Variants in RALGPS1 observed in about 807,000 individuals in gnomAD.
RALGPS1 encodes Ral GEF with PH domain and SH3 binding motif 1, also known as ras-specific guanine nucleotide-releasing factor RalGPS1.
A neutral mutation model predicts 78.8 loss-of-function variants in RALGPS1; 19 were observed. That is an observed-to-expected ratio of 0.24 (90% CI 0.17 to 0.35). The LOEUF (loss-of-function observed/expected upper bound fraction) is 0.35, where lower values mean the gene tolerates loss of function less well. Among genes scored for constraint, RALGPS1 ranks in the 10% least tolerant of loss-of-function variants. The pLI, the probability that RALGPS1 is intolerant of heterozygous loss-of-function variation, is 1.00. For missense variants in RALGPS1, 454 were observed against 688.3 expected, an observed-to-expected ratio of 0.66 and a Z score of 3.81; for synonymous variants, 228 against 256.3, an observed-to-expected ratio of 0.89 and a Z score of 1.06.
chr9:126,950,086 C>T (rs1011649912), intron 1 of RALGPS1, among the ~76,000 whole-genome samples: 13 of 152,114 alleles, frequency 8.5e-5, no homozygotes, highest in Non-Finnish European at 1.6e-4. Context: ...TTCCCCATTG[C>T]TTGTTTTTCT....
intron 1 of RALGPS1, among the ~76,000 whole-genome samples, chr9:126,947,055 C>T (rs895168467): frequency 2.0e-5 from 3 of 152,162 alleles, no homozygotes; most frequent in African/African-American, 7.2e-5. Flanking sequence ...CCAGAGAACC[C>T]TTTCCTGGTC....
intron 4 of RALGPS1, among the ~76,000 whole-genome samples, chr9:127,029,200 G>T (rs1040761709): frequency 1.3e-5 from 2 of 152,090 alleles, no homozygotes; most frequent in African/African-American, 4.8e-5. Flanking sequence ...TCTTTTATTT[G>T]CCCATCTCCT....
chr9:127,017,159 G>C (rs2044918021), intron 4 of RALGPS1, among the ~76,000 whole-genome samples: 1 of 152,190 alleles, frequency 6.6e-6, no homozygotes, highest in Non-Finnish European at 1.5e-5. Flanking sequence ...GATGCATCAT[G>C]AGAAATGCAT....
At chr9:127,018,781 G>A (rs1224758129) in intron 4 of RALGPS1, among the ~76,000 whole-genome samples, 1 of 151,932 alleles carries the variant, frequency 6.6e-6, no homozygotes, top group Non-Finnish European at 1.5e-5. Context: ...TATGTGACTG[G>A]TAGCACAGTA....
rs371255630 is a variant in RALGPS1 at position 126,980,264 on chromosome 9, G to T, written c.216+2519G>T. On this transcript the variant is annotated intron_variant, in intron 4 of 18. Coordinates refer to ENST00000259351, the MANE Select transcript of RALGPS1 (RefSeq NM_014636.3). ...GGGCATGAATAAAGTACAATTTTAAGTATGCAGAGGCCAGCATCTGAGAGC... is the reference window on the plus strand; with the variant it reads ...GGGCATGAATAAAGTACAATTTTAATTATGCAGAGGCCAGCATCTGAGAGC... 2.7e-3 allele frequency among the ~76,000 whole-genome samples: 418 copies of T among 152,300 alleles called. 3 individuals are homozygous for T. Among genetic ancestry groups the T allele is most frequent in the African/African-American group, 9.5e-3 (393 of 41,556 alleles).
intron 5 of RALGPS1, among the ~76,000 whole-genome samples, chr9:127,047,032 G>A (rs2047860566): frequency 6.7e-6 from 1 of 150,368 alleles, no homozygotes; most frequent in South Asian, 2.1e-4. Context: ...GCCTGTGTAT[G>A]GCAACATGGA....
At chr9:127,193,411 G>A (rs1318144068) in intron 11 of RALGPS1, among the ~76,000 whole-genome samples, 1 of 152,202 alleles carries the variant, frequency 6.6e-6, no homozygotes, top group African/African-American at 2.4e-5. Flanking sequence ...AAAGGGATTG[G>A]TGGGGGCGGA....
At chr9:127,028,984 G>T (rs1488498453) in intron 4 of RALGPS1, among the ~76,000 whole-genome samples, 1 of 151,956 alleles carries the variant, frequency 6.6e-6, no homozygotes, top group African/African-American at 2.4e-5. Flanking sequence ...ATCCCAGGTG[G>T]GTAGCTTTCA....
intron 7 of RALGPS1, 37 bp from the exon 8 acceptor site, chr9:127,069,193 G>T (rs766148795): frequency 1.3e-6 from 2 of 1,561,550 alleles, no homozygotes; most frequent in Admixed American, 1.7e-5. Flanking sequence ...AGCTTCTTCT[G>T]GTTTACTTAT....
At chr9:126,992,370 C>T (rs2042354849) in intron 4 of RALGPS1, among the ~76,000 whole-genome samples, 1 of 152,118 alleles carries the variant, frequency 6.6e-6, no homozygotes, top group Non-Finnish European at 1.5e-5. Context: ...TACCCATCAC[C>T]CCAAAAATTT....
At chr9:127,111,405 TGCTCCATGTGCA>T (rs1320229805) in intron 8 of RALGPS1, among the ~76,000 whole-genome samples, 1 of 152,246 alleles carries the variant, frequency 6.6e-6, no homozygotes. Context: ...TGTTGGTCAC[TGCTCCATGTGCA>T]GTGCCTACCA....
intron 8 of RALGPS1, among the ~76,000 whole-genome samples, chr9:127,157,233 G>A (rs935013960): frequency 2.6e-5 from 4 of 152,090 alleles, no homozygotes; most frequent in African/African-American, 9.6e-5. Context: ...ATGTTAATTA[G>A]GCAATAATTG....
intron 4 of RALGPS1, among the ~76,000 whole-genome samples, chr9:126,992,557 T>C (rs1413003693): frequency 6.6e-6 from 1 of 152,240 alleles, no homozygotes; most frequent in Non-Finnish European, 1.5e-5. Flanking sequence ...CAAAGAAGTC[T>C]GCTGGGATTT....
In RALGPS1 at chr9:127,212,740, C is replaced by A. The variant is rs765070659; in HGVS notation, c.1446+21C>A. On this transcript the variant is annotated intron_variant, in intron 16 of 18. Coordinates refer to ENST00000259351, the MANE Select transcript of RALGPS1 (RefSeq NM_014636.3). The surrounding 1 kb of genome is among the most constrained non-coding windows in gnomAD (Gnocchi z 6.0). The stretch of plus-strand genomic sequence containing the variant: ...AACACGTAAGTCCCTTGAAAGGACT[C>A]TAGTGCTGGGACTTCCTCTAGTGGG... 3 of 1,586,516 alleles carry A rather than the reference C, an allele frequency of 1.9e-6. No homozygotes were observed. Among genetic ancestry groups the A allele is most frequent in the Non-Finnish European group, 2.6e-6 (3 of 1,156,536 alleles).
intron 8 of RALGPS1, among the ~76,000 whole-genome samples, chr9:127,119,640 C>T (rs1479103159): frequency 6.6e-6 from 1 of 152,128 alleles, no homozygotes; most frequent in Non-Finnish European, 1.5e-5. Context: ...CTTATTTAGC[C>T]CAGTGGGTAC....
intron 10 of RALGPS1, among the ~76,000 whole-genome samples, chr9:127,171,532 G>T (rs1315472558): frequency 6.6e-6 from 1 of 152,176 alleles, no homozygotes; most frequent in Non-Finnish European, 1.5e-5. Flanking sequence ...GGCCAAGGAG[G>T]GCGGATCACC....
intron 1 of RALGPS1, among the ~76,000 whole-genome samples, chr9:126,934,928 A>G (rs77496181): frequency 0.015 from 2,310 of 152,186 alleles, 63 homozygotes; most frequent in African/African-American, 0.053. Flanking sequence ...TGTGTGAGTT[A>G]TGTTTGGCCA....
chr9:127,079,120 C>G (rs1268303778), intron 8 of RALGPS1, among the ~76,000 whole-genome samples: 3 of 152,142 alleles, frequency 2.0e-5, no homozygotes, highest in African/African-American at 7.2e-5. Context: ...TGGGTAAAAC[C>G]ACACCTGAGA....
chr9:127,180,187 GC>G (rs2060128926), intron 11 of RALGPS1, among the ~76,000 whole-genome samples: 1 of 152,198 alleles, frequency 6.6e-6, no homozygotes, highest in Non-Finnish European at 1.5e-5. Context: ...CCCAGAGAGG[GC>G]AAGTAATGTT....
Sources: gnomAD v4.1 joint callset for allele counts (sites outside exome capture counted in the v4.1 genomes callset) on GRCh38, gnomAD v4.1.1 for gene constraint, Gnocchi (gnomAD v3.1) non-coding constraint, MANE v1.5 for transcripts, NCBI Gene and HGNC (gene_info 2026-07-23, HGNC 2026-07-21) for gene names.